SPTBN1: variants seen among roughly 807,000 people sequenced by gnomAD.
SPTBN1 encodes the protein spectrin beta chain, non-erythrocytic 1.
In SPTBN1, 32 loss-of-function variants were observed where a neutral mutation model predicts 266.4. That is an observed-to-expected ratio of 0.12 (90% CI 0.09 to 0.16). The LOEUF is 0.16. Ranked by LOEUF, SPTBN1 falls within the 10% of genes least tolerant of loss-of-function variation. The pLI is 1.00. For missense variants in SPTBN1, 2,296 were observed against 3,067.1 expected (o/e 0.75, Z 5.94); for synonymous variants, 1,336 against 1,162.2 (o/e 1.15, Z -3.04).
chr2:54,657,928 G>T lies in SPTBN1; in HGVS notation c.6125G>T (p.Ser2042Ile). 6.2e-7 allele frequency: 1 copy of T among 1,614,222 alleles called. No individual in the cohort carries two copies. Among genetic ancestry groups the T allele is most frequent in the Non-Finnish European group, 8.5e-7 (1 of 1,180,024 alleles). The change falls in exon 30 of 36, where the codon AGC becomes ATC. Residue 2042 changes from serine (S) to isoleucine (I), a missense_variant. Physicochemically the swap from Ser to Ile is moderately radical, Grantham distance 142 (BLOSUM62 -2). This residue lies in a region of SPTBN1 where 644 missense variants were observed against 745.3 expected (regional missense o/e 0.86). Transcript: ENST00000356805. ...CTTGGACAGGAGCCGTACCTATCCA[G>T]CCGAGAGATAGGCCAGAGCGTGGAC... ...WLLGQEPYLS[S>I]REIGQSVDEV...
intron 1 of SPTBN1, among the ~76,000 whole-genome samples, chr2:54,491,759 T>G (rs981707430): frequency 6.6e-6 from 1 of 152,144 alleles, no homozygotes; most frequent in Non-Finnish European, 1.5e-5. Context: ...CCTAGCTAAC[T>G]TTTCTTTTCT....
intron 2 of SPTBN1, among the ~76,000 whole-genome samples, chr2:54,563,939 T>A (rs1673497283): frequency 6.6e-6 from 1 of 152,186 alleles, no homozygotes; most frequent in East Asian, 1.9e-4. Flanking sequence ...TGGATTATTA[T>A]CCATCTGTAT....
At chr2:54,504,872 A>G (rs1558786736) in intron 1 of SPTBN1, among the ~76,000 whole-genome samples, 1 of 152,240 alleles carries the variant, frequency 6.6e-6, no homozygotes, top group East Asian at 1.9e-4. Flanking sequence ...TGGCGTACTT[A>G]AAATGAATGT....
intron 2 of SPTBN1, among the ~76,000 whole-genome samples, chr2:54,576,503 C>G (rs1674489507): frequency 1.3e-5 from 2 of 152,058 alleles, no homozygotes; most frequent in South Asian, 2.1e-4. Context: ...GTAGTACTTT[C>G]TAGAACTTGT....
Position 54,644,483 on chromosome 2 carries a change from G to A in SPTBN1, c.4166G>A (p.Cys1389Tyr). The change falls in exon 20 of 36, where the codon TGT becomes TAT. Residue 1389 changes from cysteine to tyrosine, a missense_variant. Physicochemically the swap from Cys to Tyr is radical, Grantham distance 194. Coordinates refer to ENST00000356805, the MANE Select transcript of SPTBN1 (RefSeq NM_003128.3). ...AAGGCCGAACTTTTCACCCAGAGCT[G>A]TGCAGATCTAGACAAATGGCTGCAC... ...ANKAELFTQS[C>Y]ADLDKWLHGL... is the part of the protein sequence containing the mutation. 6.2e-7 allele frequency: 1 copy of A among 1,614,240 alleles called. No individual in the cohort carries two copies. Among genetic ancestry groups the A allele is most frequent in the Non-Finnish European group, 8.5e-7 (1 of 1,180,044 alleles).
intron 1 of SPTBN1, among the ~76,000 whole-genome samples, chr2:54,463,279 G>A (rs1469733258): frequency 6.6e-6 from 1 of 152,226 alleles, no homozygotes; most frequent in Admixed American, 6.5e-5. Flanking sequence ...TTTCAAATTT[G>A]AATAATGACA....
chr2:54,626,788 G>A lies in SPTBN1; in HGVS notation c.1644+554G>A, dbSNP rs374072033. 1.3e-4 allele frequency among the ~76,000 whole-genome samples: 20 copies of A among 152,282 alleles called. No homozygotes were observed. Among genetic ancestry groups the A allele is most frequent in the African/African-American group, 3.8e-4 (16 of 41,560 alleles). On this transcript the variant is annotated intron_variant, in intron 12 of 35. Transcript: ENST00000356805. The surrounding 1 kb of genome is among the most constrained non-coding windows in gnomAD (Gnocchi z 4.7). The stretch of plus-strand genomic sequence containing the variant: ...TCCAATTATTGCAAGGATGGAATGC[G>A]GTAGTATGTGCACAGATCATGGGAT...
chr2:54,566,858 A>G (rs1226192869), intron 2 of SPTBN1, among the ~76,000 whole-genome samples: 2 of 152,172 alleles, frequency 1.3e-5, no homozygotes, highest in Non-Finnish European at 2.9e-5. Context: ...TGATTGTTAA[A>G]TCATTTTGTT....
intron 1 of SPTBN1, among the ~76,000 whole-genome samples, chr2:54,500,704 G>T (rs994148916): frequency 6.6e-6 from 1 of 151,974 alleles, no homozygotes; most frequent in Admixed American, 6.6e-5. Flanking sequence ...ATGCCACCAC[G>T]CCTAGCTAAT....
chr2:54,556,221 A>G (rs1573403622), intron 2 of SPTBN1, among the ~76,000 whole-genome samples: 1 of 152,360 alleles, frequency 6.6e-6, no homozygotes, highest in South Asian at 2.1e-4. Flanking sequence ...TGGTCCCATC[A>G]CACCAAATGG....
chr2:54,511,613 C>A (rs997857582), intron 1 of SPTBN1, among the ~76,000 whole-genome samples: 1 of 152,076 alleles, frequency 6.6e-6, no homozygotes, highest in African/African-American at 2.4e-5. Context: ...CTTGTAATCC[C>A]AGCATTTAGG....
intron 1 of SPTBN1, among the ~76,000 whole-genome samples, chr2:54,481,407 TG>T (rs1558763889): frequency 1.1e-5 from 1 of 92,164 alleles, no homozygotes; most frequent in Non-Finnish European, 2.3e-5. Context: ...TGTGTGTGTG[TG>T]TGTGTGTGTG....
intron 18 of SPTBN1, among the ~76,000 whole-genome samples, chr2:54,639,892 G>A (rs970786752): frequency 6.6e-6 from 1 of 152,152 alleles, no homozygotes; most frequent in Non-Finnish European, 1.5e-5. Flanking sequence ...GCAGATCTCT[G>A]TGTGACTGCT....
At chr2:54,608,089 C>T (rs975793058) in intron 3 of SPTBN1, among the ~76,000 whole-genome samples, 4 of 152,094 alleles carry the variant, frequency 2.6e-5, no homozygotes, top group African/African-American at 7.2e-5. Flanking sequence ...GCAGCCTGGC[C>T]CCCTTTCCCC....
chr2:54,487,997 T>G (rs1226112363), intron 1 of SPTBN1, among the ~76,000 whole-genome samples: 2 of 151,764 alleles, frequency 1.3e-5, no homozygotes, highest in Non-Finnish European at 2.9e-5. Flanking sequence ...ACCCGGCTAA[T>G]TTTTTGTATT....
At chr2:54,544,578 T>C (rs1573381079) in intron 2 of SPTBN1, among the ~76,000 whole-genome samples, 1 of 152,110 alleles carries the variant, frequency 6.6e-6, no homozygotes, top group Non-Finnish European at 1.5e-5. Flanking sequence ...GCACAAGAGA[T>C]ACACATGACT....
intron 1 of SPTBN1, among the ~76,000 whole-genome samples, chr2:54,458,979 A>G (rs1558742743): frequency 6.6e-6 from 1 of 152,234 alleles, no homozygotes; most frequent in Non-Finnish European, 1.5e-5. Context: ...TCTAATAGCC[A>G]TTAAAATATG....
In SPTBN1 at chr2:54,489,533, T is replaced by G. The variant is rs559066989; in HGVS notation, c.-48+33015T>G. On this transcript the variant is annotated intron_variant, in intron 1 of 35. Coordinates refer to ENST00000356805, the MANE Select transcript of SPTBN1 (RefSeq NM_003128.3). The stretch of plus-strand genomic sequence containing the variant: ...CTGGCCAACATGGTGAAACCCCGTC[T>G]TACTAAAAATACAAAAATTAGCCAG... 7.9e-5 allele frequency among the ~76,000 whole-genome samples: 12 copies of G among 151,824 alleles called. No homozygotes were observed. In the South Asian group the frequency reaches 2.5e-3, roughly 32 times the overall value.
intron 2 of SPTBN1, among the ~76,000 whole-genome samples, chr2:54,541,401 A>G (rs1265702028): frequency 6.6e-6 from 1 of 152,226 alleles, no homozygotes; most frequent in Non-Finnish European, 1.5e-5. Context: ...ATTCAAGACT[A>G]CCTTGAGAAA....
Sources: gnomAD v4.1 joint callset for allele counts (sites outside exome capture counted in the v4.1 genomes callset) on GRCh38, gnomAD v4.1.1 for gene constraint, gnomAD v4.1.1 regional missense constraint, Gnocchi (gnomAD v3.1) non-coding constraint, MANE v1.5 for transcripts, NCBI Gene and HGNC (gene_info 2026-07-23, HGNC 2026-07-21) for gene names.